ABTB3: variants seen among roughly 807,000 people sequenced by gnomAD.
ABTB3 encodes ankyrin repeat and BTB domain containing 3, also known as ankyrin repeat- and BTB/POZ domain-containing protein 3.
the ABTB3 span, among the ~76,000 whole-genome samples, chr12:107,449,461 G>T: frequency 6.6e-6 from 1 of 152,214 alleles, no homozygotes; most frequent in South Asian, 2.1e-4. Context: ...TCCTGGCTCA[G>T]GAGGCTCTGA....
the ABTB3 span, among the ~76,000 whole-genome samples, chr12:107,535,423 G>A: frequency 6.6e-6 from 1 of 152,050 alleles, no homozygotes; most frequent in Admixed American, 6.6e-5. Context: ...GCCCTAACAA[G>A]CAATTAAGCA....
chr12:107,469,865 CTTTTCTTT>C, the ABTB3 span, among the ~76,000 whole-genome samples: 9 of 88,284 alleles, frequency 1.0e-4, no homozygotes, highest in African/African-American at 3.4e-4. Flanking sequence ...TTCTTTCTTT[CTTTTCTTT>C]CTTTCTTTCT....
chr12:107,481,883 G>GTCTCTC, the ABTB3 span, among the ~76,000 whole-genome samples: 7,247 of 108,040 alleles, frequency 0.067, 363 homozygotes, highest in East Asian at 0.11. Flanking sequence ...GAAATCAAGA[G>GTCTCTC]TCTCTCTCTC....
chr12:107,645,741 G>A, the ABTB3 span, among the ~76,000 whole-genome samples: 3 of 152,144 alleles, frequency 2.0e-5, no homozygotes, highest in Non-Finnish European at 4.4e-5. Flanking sequence ...TTTGCCAAGC[G>A]GCCTCACTGA....
the ABTB3 span, among the ~76,000 whole-genome samples, chr12:107,379,623 A>G: frequency 1.3e-5 from 2 of 152,200 alleles, no homozygotes; most frequent in Admixed American, 1.3e-4. Flanking sequence ...AAATGGACCA[A>G]TACACCAGCC....
At chr12:107,379,339 G>A in the ABTB3 span, among the ~76,000 whole-genome samples, 1 of 152,132 alleles carries the variant, frequency 6.6e-6, no homozygotes, top group Non-Finnish European at 1.5e-5. Flanking sequence ...TGTCATGGGA[G>A]GGACCTGGTG....
chr12:107,657,702 A>G, the ABTB3 span: 13 of 1,614,062 alleles, frequency 8.1e-6, no homozygotes, highest in Admixed American at 5.0e-5. Context: ...TCGTCTTCCA[A>G]AGGTTCCGTG....
At chr12:107,497,301 T>C in the ABTB3 span, among the ~76,000 whole-genome samples, 4 of 138,506 alleles carry the variant, frequency 2.9e-5, no homozygotes, top group Admixed American at 7.1e-5. Context: ...CCACCATCAC[T>C]ATCACCACCA....
chr12:107,468,979 C>T, the ABTB3 span, among the ~76,000 whole-genome samples: 2 of 152,078 alleles, frequency 1.3e-5, no homozygotes, highest in African/African-American at 4.8e-5. Flanking sequence ...TTCAGAGGTT[C>T]GATAAATAAC....
the ABTB3 span, among the ~76,000 whole-genome samples, chr12:107,346,735 A>C: frequency 1.3e-5 from 2 of 152,214 alleles, no homozygotes; most frequent in Non-Finnish European, 2.9e-5. Flanking sequence ...CTGGGATTAC[A>C]GGCGTGAGCC....
At chr12:107,323,284 G>T in the ABTB3 span, among the ~76,000 whole-genome samples, 1 of 152,058 alleles carries the variant, frequency 6.6e-6, no homozygotes, top group Non-Finnish European at 1.5e-5. Flanking sequence ...CTTCTTCCTT[G>T]GTTGCCCCTT....
chr12:107,615,057 A>T, the ABTB3 span: 1 of 1,609,588 alleles, frequency 6.2e-7, no homozygotes, highest in Admixed American at 1.7e-5. Flanking sequence ...CAATTTGTTT[A>T]TAGGTTGTCA....
chr12:107,410,264 C>G, the ABTB3 span, among the ~76,000 whole-genome samples: 45,099 of 147,982 alleles, frequency 0.3, 7,922 homozygotes, highest in East Asian at 0.55. Flanking sequence ...CGCTAAGGAA[C>G]GGGGGCAGAG....
the ABTB3 span, among the ~76,000 whole-genome samples, chr12:107,538,965 G>A: frequency 6.6e-6 from 1 of 152,288 alleles, no homozygotes; most frequent in Admixed American, 6.5e-5. Flanking sequence ...TGGAGGCACT[G>A]TGTCATAGTG....
chr12:107,354,529 C>A, the ABTB3 span, among the ~76,000 whole-genome samples: 2 of 152,162 alleles, frequency 1.3e-5, no homozygotes, highest in Non-Finnish European at 2.9e-5. Context: ...GCTTCTTTCA[C>A]TGATCATAAT....
At chr12:107,550,063 C>CT in the ABTB3 span, among the ~76,000 whole-genome samples, 1 of 152,156 alleles carries the variant, frequency 6.6e-6, no homozygotes, top group Admixed American at 6.5e-5. Flanking sequence ...TGATACTGTC[C>CT]TGCTGGGCCC....
chr12:107,351,601 T>C, the ABTB3 span, among the ~76,000 whole-genome samples: 2 of 152,194 alleles, frequency 1.3e-5, no homozygotes, highest in African/African-American at 4.8e-5. Flanking sequence ...CGCTGTTATC[T>C]TGGGAGTGGG....
At chr12:107,408,981 G>A in the ABTB3 span, among the ~76,000 whole-genome samples, 1 of 152,260 alleles carries the variant, frequency 6.6e-6, no homozygotes, top group Non-Finnish European at 1.5e-5. Flanking sequence ...TGCCCTAAGG[G>A]CATATGACTA....
At chr12:107,341,010 G>A in the ABTB3 span, among the ~76,000 whole-genome samples, 1 of 152,178 alleles carries the variant, frequency 6.6e-6, no homozygotes, top group Non-Finnish European at 1.5e-5. Context: ...GATGATGTGA[G>A]ATGTAATGCA....
Sources: gnomAD v4.1 joint callset for allele counts (sites outside exome capture counted in the v4.1 genomes callset) on GRCh38, gnomAD v4.1.1 for gene constraint, MANE v1.5 for transcripts, NCBI Gene and HGNC (gene_info 2026-07-23, HGNC 2026-07-21) for gene names.